DNM2: variants seen among roughly 807,000 people sequenced by gnomAD.
DNM2 encodes the protein dynamin-2.
Under a neutral mutation model 99.0 loss-of-function variants are expected in DNM2, and 15 were observed. The observed-to-expected ratio is 0.15, with a 90% CI of 0.10 to 0.23. The LOEUF (loss-of-function observed/expected upper bound fraction) is 0.23, where lower values mean the gene tolerates loss of function less well. Among genes scored for constraint, DNM2 ranks in the 10% least tolerant of loss-of-function variants. The pLI, the probability that DNM2 is intolerant of heterozygous loss-of-function variation, is 1.00. For synonymous variants in DNM2, 525 were observed against 481.2 expected, an observed-to-expected ratio of 1.09 and a Z score of -1.19; for missense variants, 742 against 1,189.4, an observed-to-expected ratio of 0.62 and a Z score of 5.53.
intron 1 of DNM2, among the ~76,000 whole-genome samples, chr19:10,731,038 G>A (rs960162882): frequency 2.0e-5 from 3 of 152,152 alleles, no homozygotes; most frequent in South Asian, 2.1e-4. Context: ...ACACACTTTC[G>A]CGGTGATGAG....
chr19:10,828,229 C>T (rs1237193953), intron 18 of DNM2, among the ~76,000 whole-genome samples: 1 of 151,578 alleles, frequency 6.6e-6, no homozygotes, highest in African/African-American at 2.4e-5. Flanking sequence ...ACGCAGGTTG[C>T]AGTGAGCCAA....
chr19:10,739,037 G>A (rs536828728), intron 1 of DNM2, among the ~76,000 whole-genome samples: 13 of 152,150 alleles, frequency 8.5e-5, no homozygotes, highest in East Asian at 1.9e-4. Context: ...GCGTGGTAGC[G>A]GGCGCCTGTA....
At chr19:10,731,558 T>C (rs909756401) in intron 1 of DNM2, among the ~76,000 whole-genome samples, 95 of 152,274 alleles carry the variant, frequency 6.2e-4, no homozygotes, top group Non-Finnish European at 1.1e-3. Flanking sequence ...TTTGCCATGT[T>C]GGCCAGGCTG....
At chr19:10,718,913 C>T (rs1007237156) in intron 1 of DNM2, among the ~76,000 whole-genome samples, 1 of 152,184 alleles carries the variant, frequency 6.6e-6, no homozygotes, top group Admixed American at 6.5e-5. Context: ...TCCATCTGTC[C>T]AGTCCCACCT....
chr19:10,793,395 G>A (rs1729422898), intron 7 of DNM2, among the ~76,000 whole-genome samples: 1 of 152,180 alleles, frequency 6.6e-6, no homozygotes, highest in Admixed American at 6.5e-5. Context: ...CCAGCATCCT[G>A]TAAATCAAGT....
At chr19:10,789,209 GAAACAAAC>G (rs896528911) in intron 7 of DNM2, among the ~76,000 whole-genome samples, 6 of 152,078 alleles carry the variant, frequency 3.9e-5, no homozygotes, top group African/African-American at 7.2e-5. Flanking sequence ...AACAAACAAA[GAAACAAAC>G]AAACAAACAA....
rs1418190047 is a variant in DNM2 at position 10,816,993 on chromosome 19, C to CT, written c.1672-2986dup. ...AAACAGCCGACCTGTGAAAGGGGCCCTGTGTGAGCCCCAGACACAAAGCAG... is the reference window on the plus strand; with the variant it reads ...AAACAGCCGACCTGTGAAAGGGGCCCTTGTGTGAGCCCCAGACACAAAGCAG... On this transcript the variant is annotated intron_variant, in intron 15 of 20. Coordinates refer to ENST00000389253, the MANE Select transcript of DNM2 (RefSeq NM_001005361.3). This position sits in a 1 kb window ranked among gnomAD's most constrained non-coding sequence, Gnocchi z 4.6. Among the ~76,000 whole-genome samples the CT allele has an allele frequency of 6.6e-6, 1 of 152,176 alleles. No homozygotes were observed. The highest frequency in any genetic ancestry group is 3.2e-3 in the Middle Eastern group (1 of 316).
intron 1 of DNM2, among the ~76,000 whole-genome samples, chr19:10,728,148 G>A (rs1467963382): frequency 6.6e-6 from 1 of 152,210 alleles, no homozygotes; most frequent in Non-Finnish European, 1.5e-5. Context: ...GGAGCTGGAT[G>A]ACTGTTTCAG....
intron 1 of DNM2, among the ~76,000 whole-genome samples, chr19:10,721,447 A>G (rs2068938297): frequency 6.6e-6 from 1 of 152,284 alleles, no homozygotes; most frequent in South Asian, 2.1e-4. Context: ...GTGAACCACC[A>G]TGGCTGGCCT....
At chr19:10,738,906 C>T (rs918357449) in intron 1 of DNM2, among the ~76,000 whole-genome samples, 1 of 150,506 alleles carries the variant, frequency 6.6e-6, no homozygotes, top group African/African-American at 2.4e-5. Flanking sequence ...CAGTGACTCA[C>T]GCCTGTAATC....
rs187175692 is a variant in DNM2 at position 10,741,662 on chromosome 19, G to A, written c.162-18076G>A. Among the ~76,000 whole-genome samples, 1,180 of 151,098 alleles carry A rather than the reference G, an allele frequency of 7.8e-3. 8 individuals are homozygous for A. The highest frequency in any genetic ancestry group is 0.012 in the South Asian group (59 of 4,786). On this transcript the variant is annotated intron_variant, in intron 1 of 20. Coordinates refer to ENST00000389253, the MANE Select transcript of DNM2 (RefSeq NM_001005361.3). Reference sequence around the variant, plus strand: ...CCTCCCGGGTTCACGCCATTCTCCTGCCTCAGCCTCCCAAGTAGCTGGGAG... The same window carrying A: ...CCTCCCGGGTTCACGCCATTCTCCTACCTCAGCCTCCCAAGTAGCTGGGAG...
intron 1 of DNM2, among the ~76,000 whole-genome samples, chr19:10,722,668 C>G (rs957049573): frequency 6.6e-6 from 1 of 151,782 alleles, no homozygotes; most frequent in Non-Finnish European, 1.5e-5. Flanking sequence ...TACTGTCACC[C>G]AGGCTAGAGT....
intron 6 of DNM2, 77 bp from the exon 7 acceptor site, chr19:10,786,487 G>T: frequency 6.2e-7 from 1 of 1,607,936 alleles, no homozygotes; most frequent in South Asian, 1.1e-5. Flanking sequence ...TTGGCCCTTG[G>T]TTGGGGGGAG....
intron 3 of DNM2, among the ~76,000 whole-genome samples, chr19:10,774,433 A>G (rs75977324): frequency 2.9e-3 from 438 of 152,316 alleles, no homozygotes; most frequent in African/African-American, 0.01. Flanking sequence ...AAAATCACTT[A>G]TGCTTTTTTT....
At chr19:10,822,165 G>C (rs984088349) in intron 16 of DNM2, among the ~76,000 whole-genome samples, 1 of 151,196 alleles carries the variant, frequency 6.6e-6, no homozygotes, top group Non-Finnish European at 1.5e-5. Context: ...TGAGACCCTG[G>C]TTCTTTTTTC....
intron 18 of DNM2, among the ~76,000 whole-genome samples, chr19:10,826,062 A>G (rs2073133903): frequency 6.6e-6 from 1 of 152,022 alleles, no homozygotes; most frequent in African/African-American, 2.4e-5. Context: ...AATTTGAATG[A>G]ATCACCACCC....
Position 10,775,039 on chromosome 19 carries a change from G to A in DNM2, c.386-664G>A, listed in dbSNP as rs1280504467. Among the ~76,000 whole-genome samples, 1 of 152,040 alleles carries A rather than the reference G, an allele frequency of 6.6e-6. No individual in the cohort carries two copies. The highest frequency in any genetic ancestry group is 2.1e-4 in the South Asian group (1 of 4,822). ...ACCCATCATGGCCTCCCAAAGTGCTGGGATGACAGGCATGAGTCACCGCGC... is the reference window on the plus strand; with the variant it reads ...ACCCATCATGGCCTCCCAAAGTGCTAGGATGACAGGCATGAGTCACCGCGC... On this transcript the variant is annotated intron_variant, in intron 3 of 20. Coordinates refer to ENST00000389253, the MANE Select transcript of DNM2 (RefSeq NM_001005361.3). The surrounding 1 kb of genome is among the most constrained non-coding windows in gnomAD (Gnocchi z 4.3).
chr19:10,782,914 T>G, intron 5 of DNM2, 46 bp from the exon 6 acceptor site: 3 of 1,613,458 alleles, frequency 1.9e-6, no homozygotes, highest in Non-Finnish European at 2.5e-6. Flanking sequence ...CCAGGTCCAC[T>G]TGGCTCACCT....
At chr19:10,808,238 C>T (rs1422838110) in intron 13 of DNM2, among the ~76,000 whole-genome samples, 4 of 151,894 alleles carry the variant, frequency 2.6e-5, no homozygotes, top group African/African-American at 9.7e-5. Context: ...GGGGTGGGGG[C>T]GGGGACTCCA....
Sources: allele counts gnomAD v4.1 joint callset (sites outside exome capture counted in the v4.1 genomes callset), GRCh38; gene constraint gnomAD v4.1.1; non-coding constraint Gnocchi (gnomAD v3.1); transcripts MANE v1.5; gene names NCBI Gene and HGNC (gene_info 2026-07-23, HGNC 2026-07-21).